The following SHOX2 variants were observed in gnomAD, a reference collection of about 807,000 sequenced individuals.
SHOX2 encodes the protein SHOX homeobox 2, also known as short stature homeobox protein 2.
In SHOX2, 13 loss-of-function variants were observed where a neutral mutation model predicts 31.3. That is an observed-to-expected ratio of 0.42 (90% CI 0.27 to 0.66). The LOEUF (loss-of-function observed/expected upper bound fraction) is 0.66, where lower values mean the gene tolerates loss of function less well. SHOX2 is among the 30% of genes least tolerant of loss of function. SHOX2 has a pLI of 0.27. For synonymous variants in SHOX2, 244 were observed against 196.2 expected (o/e 1.24, Z -2.04); for missense variants, 473 against 443.0 (o/e 1.07, Z -0.61).
rs1553754932 is a variant in SHOX2 at position 158,105,777 on chromosome 3, G to GCTCCTCCTCCTCCTACAC, written c.230_247dup (p.Gly77_Gly82dup). ...GCGCCCTCCTCCAGCTCCTCCGCCTGCTCCTCCTCCTCCTACACCTCCTCC... is the reference window on the plus strand; with the variant it reads ...GCGCCCTCCTCCAGCTCCTCCGCCTGCTCCTCCTCCTCCTACACCTCCTCCTCCTCCTACACCTCCTCC... On this transcript the variant is annotated inframe_insertion, in exon 1 of 5. Transcript: ENST00000483851. The GCTCCTCCTCCTCCTACAC allele has an allele frequency of 7.7e-5, 117 of 1,512,906 alleles. No individual in the cohort carries two copies. The highest frequency in any genetic ancestry group is 9.9e-5 in the Non-Finnish European group (112 of 1,131,930). 93.7% of individuals were successfully genotyped at this position (1,512,906 alleles called of 1,614,324 possible). A position where few individuals can be genotyped will look rare whatever the true frequency, so the allele number is the denominator to read the frequency against.
chr3:158,099,799 T>C (rs1398608535), intron 4 of SHOX2, 61 bp downstream of exon 4: 1 of 1,250,696 alleles, frequency 8.0e-7, no homozygotes, highest in Admixed American at 1.8e-5. Context: ...TGTTCAACAG[T>C]TCAAGCAAAC....
intron 1 of SHOX2, chr3:158,105,180 C>G: frequency 8.5e-7 from 1 of 1,181,816 alleles, no homozygotes. Context: ...GATTCAGGGG[C>G]TCTGCGGAGT....
Position 158,097,277 on chromosome 3 carries a change from CCT to C in SHOX2, c.*748_*749del, listed in dbSNP as rs1158036816. The C allele has an allele frequency of 6.6e-6, 1 of 152,476 alleles. No individual in the cohort carries two copies. Among genetic ancestry groups the C allele is most frequent in the Non-Finnish European group, 1.5e-5 (1 of 68,026 alleles). 9.4% of individuals were successfully genotyped at this position (152,476 alleles called of 1,614,324 possible). On this transcript the variant is annotated 3_prime_UTR_variant, in exon 5 of 5. Transcript: ENST00000483851. ...CTGATTCAACGTAAAAGGAGGCCCG[CCT>C]CTCTCATCAAATTTCTCGTGTTAAC...
At chr3:158,104,795 CA>C (rs1477804026) in intron 1 of SHOX2, among the ~76,000 whole-genome samples, 24 of 152,302 alleles carry the variant, frequency 1.6e-4, no homozygotes, top group African/African-American at 5.5e-4. Flanking sequence ...CCACGCATGC[CA>C]CATATTTTCT....
intron 2 of SHOX2, 125 bp from the exon 3 acceptor site, chr3:158,100,436 T>C: frequency 1.6e-6 from 1 of 607,932 alleles, no homozygotes; most frequent in East Asian, 2.9e-5. Context: ...CAGCAAGCAA[T>C]CTTTGAATTG....
At chr3:158,102,206 A>G (rs1451190339) in intron 2 of SHOX2, among the ~76,000 whole-genome samples, 2 of 152,218 alleles carry the variant, frequency 1.3e-5, no homozygotes, top group Non-Finnish European at 2.9e-5. Context: ...CTGCACATCT[A>G]TAAACCTAAT....
rs762927473 is a variant in SHOX2 at position 158,098,005 on chromosome 3, G to T, written c.*22C>A. Reference sequence around the variant, plus strand: ...AGGCTGAGTGCCGCGGGACAGGCGCGACATTGGTGCTGGCGTTGGCGTCAC... The same window carrying T: ...AGGCTGAGTGCCGCGGGACAGGCGCTACATTGGTGCTGGCGTTGGCGTCAC... On this transcript the variant is annotated 3_prime_UTR_variant, in exon 5 of 5. Coordinates refer to ENST00000483851, the MANE Select transcript of SHOX2 (RefSeq NM_001163678.2). 3 of 1,568,760 alleles carry T rather than the reference G, an allele frequency of 1.9e-6. No homozygotes were observed. Among genetic ancestry groups the T allele is most frequent in the Admixed American group, 1.8e-5 (1 of 56,160 alleles).
At chr3:158,101,856 G>GT (rs759158463) in intron 2 of SHOX2, among the ~76,000 whole-genome samples, 1 of 152,148 alleles carries the variant, frequency 6.6e-6, no homozygotes, top group Non-Finnish European at 1.5e-5. Context: ...AAGGATATGT[G>GT]TATGTGAATG....
intron 4 of SHOX2, among the ~76,000 whole-genome samples, chr3:158,099,640 C>G (rs1443645042): frequency 6.6e-6 from 1 of 152,156 alleles, no homozygotes. Flanking sequence ...CCCCCAGGCC[C>G]CTTCAGGGAT....
intron 1 of SHOX2, chr3:158,105,255 C>T (rs1477049867): frequency 3.0e-6 from 2 of 664,208 alleles, no homozygotes; most frequent in Non-Finnish European, 5.4e-6. Flanking sequence ...ACCTCTGCCC[C>T]TTCTCCCTCC....
chr3:158,105,823 C>T lies in SHOX2; in HGVS notation c.202G>A (p.Gly68Arg), dbSNP rs1559899606. Residue 68 changes from glycine (G) to arginine (R), a missense_variant, in exon 1 of 5, where the codon GGA becomes AGA. Physicochemically the swap from Gly to Arg is moderately radical, Grantham distance 125. Around this residue, in one of 3 missense-constraint regions of SHOX2, gnomAD observed 276 missense variants for 230.0 expected, o/e 1.20. Coordinates refer to ENST00000483851, the MANE Select transcript of SHOX2 (RefSeq NM_001163678.2). ...CCTCCGCCTCCTCCGCCGCCGCCTC[C>T]GCCTCCTCCGCCGCCGCCTCCGCCG... ...AAGGGGGGGG[G>R]GGGGGGGGGV... 1.2e-5 allele frequency: 17 copies of T among 1,464,210 alleles called. No homozygotes were observed. Among genetic ancestry groups the T allele is most frequent in the Non-Finnish European group, 1.4e-5 (16 of 1,111,476 alleles). The allele number at this position is 1,464,210 out of a possible 1,614,324, so 90.7% of individuals were successfully genotyped here. A position where few individuals can be genotyped will look rare whatever the true frequency, so the allele number is the denominator to read the frequency against.
chr3:158,103,101 G>T (rs536512523), intron 1 of SHOX2: 2 of 597,132 alleles, frequency 3.3e-6, no homozygotes, highest in South Asian at 2.0e-5. Context: ...AAGTCTGAGC[G>T]GCCGCCTGGG....
intron 1 of SHOX2, chr3:158,105,027 C>T: frequency 2.7e-6 from 1 of 366,466 alleles, no homozygotes; most frequent in South Asian, 2.0e-5. Flanking sequence ...CCCACCTCCC[C>T]CGCCGCCCCC....
chr3:158,102,837 G>T lies in SHOX2; in HGVS notation c.396C>A (p.Asp132Glu), dbSNP rs761980537. 19 of 1,613,946 alleles carry T rather than the reference G, an allele frequency of 1.2e-5. No homozygotes were observed. Among genetic ancestry groups the T allele is most frequent in the Non-Finnish European group, 1.4e-5 (16 of 1,180,012 alleles). The change falls in exon 2 of 5, where the codon GAC becomes GAA. Residue 132 changes from aspartate to glutamate, a missense_variant. This residue lies in a region of SHOX2 where 276 missense variants were observed against 230.0 expected (regional missense o/e 1.20). Coordinates refer to ENST00000483851, the MANE Select transcript of SHOX2 (RefSeq NM_001163678.2). Reference protein sequence around the residue: ...DRKEDAKGMEDEGQTKIKQRR... With the variant: ...DRKEDAKGMEEEGQTKIKQRR... The stretch of plus-strand genomic sequence containing the variant: ...TCTGCTTGATTTTGGTCTGGCCTTC[G>T]TCCTCCATCCCTTTCGCATCCTCTT...
At position 158,096,901 on chromosome 3, in the gene SHOX2, T is replaced by TATATATAC. The variant is rs1553753319; in HGVS notation, c.*1125_*1126insGTATATAT. The stretch of plus-strand genomic sequence containing the variant: ...CAAAGACAGGGCAAATATATATATA[T>TATATATAC]ATATATATATATATATATATATATA... On this transcript the variant is annotated 3_prime_UTR_variant, in exon 5 of 5. Coordinates refer to ENST00000483851, the MANE Select transcript of SHOX2 (RefSeq NM_001163678.2). 3.1e-5 allele frequency: 3 copies of TATATATAC among 97,704 alleles called. 1 individual carries two copies. Among genetic ancestry groups the TATATATAC allele is most frequent in the African/African-American group, 1.2e-4 (3 of 26,008 alleles). The allele number at this position is 97,704 out of a possible 1,614,324, so 6.1% of individuals were successfully genotyped here.
rs1316861256 is a variant in SHOX2 at position 158,106,107 on chromosome 3, G to A, written c.-83C>T. The A allele has an allele frequency of 3.8e-6, 6 of 1,580,566 alleles. No individual in the cohort carries two copies. The highest frequency in any genetic ancestry group is 5.2e-6 in the Non-Finnish European group (6 of 1,163,680). ...TCCTTCTTCTTTTTTTACTGCTCCA[G>A]CCCCCCCAATAATAACACATCAATG... On this transcript the variant is annotated 5_prime_UTR_variant, in exon 1 of 5. Transcript: ENST00000483851.
chr3:158,100,328 G>C lies in SHOX2; in HGVS notation c.556-17C>G, dbSNP rs1713420270. 1 of 1,563,930 alleles carries C rather than the reference G, an allele frequency of 6.4e-7. No individual in the cohort carries two copies. Among genetic ancestry groups the C allele is most frequent in the African/African-American group, 1.4e-5 (1 of 71,846 alleles). ...AAACCAAACCTATAGGTTGGAGGGG[G>C]AAAAAAAATAAAACCTAGATGTTAT... On this transcript the variant is annotated splice_polypyrimidine_tract_variant and intron_variant, in intron 2 of 4. Transcript: ENST00000483851.
chr3:158,105,459 CCCCCCACGCCA>C (rs1366105511), intron 1 of SHOX2, among the ~76,000 whole-genome samples: 1 of 151,302 alleles, frequency 6.6e-6, no homozygotes, highest in Non-Finnish European at 1.5e-5. Flanking sequence ...CCACACGCTT[CCCCCCACGCCA>C]CCCCCACAAC....
intron 2 of SHOX2, among the ~76,000 whole-genome samples, chr3:158,101,589 G>GA (rs1559896394): frequency 6.6e-6 from 1 of 151,482 alleles, no homozygotes; most frequent in Admixed American, 6.6e-5. Context: ...TGACTGCTCT[G>GA]TTTTTTTTTT....
Sources: gnomAD v4.1 joint callset for allele counts (sites outside exome capture counted in the v4.1 genomes callset) on GRCh38, gnomAD v4.1.1 for gene constraint, gnomAD v4.1.1 regional missense constraint, MANE v1.5 for transcripts, NCBI Gene and HGNC (gene_info 2026-07-23, HGNC 2026-07-21) for gene names.